RPS6KC1: variants seen among roughly 807,000 people sequenced by gnomAD.
The protein encoded by RPS6KC1 is ribosomal protein S6 kinase C1.
A neutral mutation model predicts 103.8 loss-of-function variants in RPS6KC1; 54 were observed. The ratio of observed to expected loss-of-function variants is 0.52; its 90% CI spans 0.42 to 0.65. RPS6KC1 has a LOEUF of 0.65. RPS6KC1 is among the 30% of genes least tolerant of loss of function. The probability of loss-of-function intolerance (pLI) is 0.00; values close to 1 mark genes in which losing one functional copy is unlikely to be tolerated. For synonymous variants in RPS6KC1, 439 were observed against 438.7 expected, an observed-to-expected ratio of 1.00 and a Z score of -0.01; for missense variants, 1,151 against 1,253.8, an observed-to-expected ratio of 0.92 and a Z score of 1.24.
chr1:213,454,516 A>T, the RPS6KC1 span, among the ~76,000 whole-genome samples: 250 of 152,358 alleles, frequency 1.6e-3, 1 homozygote, highest in South Asian at 8.9e-3. Context: ...ATTCACAAAA[A>T]TGTGGCTAGA....
the RPS6KC1 span, among the ~76,000 whole-genome samples, chr1:213,378,031 T>C: frequency 6.6e-6 from 1 of 152,196 alleles, no homozygotes; most frequent in Non-Finnish European, 1.5e-5. Context: ...TTGAGAGACC[T>C]ATTTCCCCAG....
chr1:213,437,771 G>A, the RPS6KC1 span, among the ~76,000 whole-genome samples: 3 of 150,556 alleles, frequency 2.0e-5, no homozygotes, highest in Non-Finnish European at 3.0e-5. Context: ...TTTATAATTC[G>A]CTGGGATTTT....
chr1:213,669,721 C>A, the RPS6KC1 span, among the ~76,000 whole-genome samples: 1 of 152,058 alleles, frequency 6.6e-6, no homozygotes, highest in African/African-American at 2.4e-5. Context: ...TTTGATTTAT[C>A]CTATGGTACA....
intron 3 of RPS6KC1, among the ~76,000 whole-genome samples, chr1:213,096,966 T>A (rs2081514861): frequency 6.6e-6 from 1 of 152,194 alleles, no homozygotes; most frequent in Admixed American, 6.5e-5. Context: ...GACTGTAGAA[T>A]TGATGTTGTG....
chr1:213,679,321 C>A, the RPS6KC1 span, among the ~76,000 whole-genome samples: 1 of 152,140 alleles, frequency 6.6e-6, no homozygotes, highest in Non-Finnish European at 1.5e-5. Context: ...AAAAACACAC[C>A]AAACCACAGT....
chr1:213,576,234 A>C, the RPS6KC1 span, among the ~76,000 whole-genome samples: 13 of 152,266 alleles, frequency 8.5e-5, no homozygotes, highest in African/African-American at 2.4e-4. Context: ...CAACAATAAA[A>C]ATAATATAAA....
chr1:213,300,506 C>G, the RPS6KC1 span, among the ~76,000 whole-genome samples: 1 of 152,190 alleles, frequency 6.6e-6, no homozygotes, highest in Admixed American at 6.5e-5. Flanking sequence ...GGTTTATTTG[C>G]TTTGGTCTCT....
At chr1:213,649,357 A>G in the RPS6KC1 span, among the ~76,000 whole-genome samples, 1 of 149,034 alleles carries the variant, frequency 6.7e-6, no homozygotes, top group Non-Finnish European at 1.5e-5. Context: ...GTCCACACTC[A>G]CCTCTTCTGC....
the RPS6KC1 span, among the ~76,000 whole-genome samples, chr1:213,805,908 T>G: frequency 1.3e-5 from 2 of 152,240 alleles, no homozygotes; most frequent in Admixed American, 1.3e-4. Flanking sequence ...TTAGCAGGCA[T>G]GAAAACAACA....
chr1:213,646,882 C>CATATATAT, the RPS6KC1 span, among the ~76,000 whole-genome samples: 22,094 of 146,840 alleles, frequency 0.15, 1,758 homozygotes, highest in South Asian at 0.23. Flanking sequence ...TGTGTGTATG[C>CATATATAT]ATATATATAT....
At chr1:213,266,939 C>G (rs142593322) in intron 14 of RPS6KC1, among the ~76,000 whole-genome samples, 2 of 72,982 alleles carry the variant, frequency 2.7e-5, no homozygotes, top group East Asian at 8.7e-4. Flanking sequence ...AACAAACAAA[C>G]AAACAAAAAA....
the RPS6KC1 span, among the ~76,000 whole-genome samples, chr1:213,459,832 C>T: frequency 6.6e-6 from 1 of 152,270 alleles, no homozygotes; most frequent in Admixed American, 6.5e-5. Context: ...TTTCTGCCTT[C>T]ATTTTGTGAT....
the RPS6KC1 span, among the ~76,000 whole-genome samples, chr1:213,811,237 C>T: frequency 4.6e-5 from 7 of 152,178 alleles, no homozygotes; most frequent in African/African-American, 1.4e-4. Context: ...TGATTTTATT[C>T]AACATCTGTA....
At chr1:213,195,838 GTGTGTGTGTA>G (rs756530439) in intron 8 of RPS6KC1, among the ~76,000 whole-genome samples, 31 of 151,042 alleles carry the variant, frequency 2.1e-4, no homozygotes, top group Non-Finnish European at 3.4e-4. Context: ...GTGTGTGTGT[GTGTGTGTGTA>G]TATATATACC....
chr1:213,397,556 G>T, the RPS6KC1 span, among the ~76,000 whole-genome samples: 2 of 149,416 alleles, frequency 1.3e-5, no homozygotes, highest in East Asian at 2.0e-4. Flanking sequence ...GGTGTGAGGG[G>T]TGCTGAGGCT....
At chr1:213,773,790 G>A in the RPS6KC1 span, among the ~76,000 whole-genome samples, 1 of 152,198 alleles carries the variant, frequency 6.6e-6, no homozygotes, top group South Asian at 2.1e-4. Flanking sequence ...ACATTATAGA[G>A]GATGGTCTCT....
the RPS6KC1 span, among the ~76,000 whole-genome samples, chr1:213,793,684 G>A: frequency 2.6e-5 from 4 of 152,176 alleles, no homozygotes; most frequent in African/African-American, 9.7e-5. Flanking sequence ...CAAAATGCAG[G>A]TTGGAGTTTT....
At chr1:213,550,714 T>C in the RPS6KC1 span, among the ~76,000 whole-genome samples, 1 of 152,226 alleles carries the variant, frequency 6.6e-6, no homozygotes, top group Admixed American at 6.5e-5. Flanking sequence ...CATCTATCTC[T>C]GTAAATCTCA....
chr1:213,363,707 T>C, the RPS6KC1 span, among the ~76,000 whole-genome samples: 10 of 116,402 alleles, frequency 8.6e-5, 1 homozygote, highest in Non-Finnish European at 1.4e-4. Context: ...TCTTTCCTTC[T>C]TTCTTTCTTT....
Sources: gnomAD v4.1 joint callset for allele counts (sites outside exome capture counted in the v4.1 genomes callset) on GRCh38, gnomAD v4.1.1 for gene constraint, MANE v1.5 for transcripts, NCBI Gene and HGNC (gene_info 2026-07-23, HGNC 2026-07-21) for gene names.